SOS2: variants seen among roughly 807,000 people sequenced by gnomAD.
The protein encoded by SOS2 is SOS Ras/Rho guanine nucleotide exchange factor 2, also known as son of sevenless homolog 2.
SOS2 carries 65 observed loss-of-function variants against 148.2 expected under a neutral mutation model. The observed-to-expected ratio is 0.44, with a 90% confidence interval of 0.36 to 0.54. SOS2 has a LOEUF of 0.54. Ranked by LOEUF, SOS2 falls within the 20% of genes least tolerant of loss-of-function variation. The pLI is 0.00. For synonymous variants in SOS2, 539 were observed against 537.1 expected (o/e 1.00, Z -0.05); for missense variants, 1,341 against 1,590.2 (o/e 0.84, Z 2.67).
At chr14:50,228,203 A>G (rs1462788989) in intron 1 of SOS2, among the ~76,000 whole-genome samples, 6 of 151,780 alleles carry the variant, frequency 4.0e-5, no homozygotes, top group Admixed American at 2.0e-4. Flanking sequence ...CACCACACCC[A>G]GCTAATTTTT....
intron 18 of SOS2, among the ~76,000 whole-genome samples, chr14:50,135,984 A>G (rs1884066049): frequency 6.6e-6 from 1 of 152,174 alleles, no homozygotes; most frequent in Admixed American, 6.6e-5. Flanking sequence ...TTAGAAGCAT[A>G]TATAAAAATG....
chr14:50,151,781 GT>G (rs1397587546), intron 13 of SOS2, among the ~76,000 whole-genome samples: 1 of 152,158 alleles, frequency 6.6e-6, no homozygotes, highest in Non-Finnish European at 1.5e-5. Context: ...TGTGTGCAGT[GT>G]TGCAATTTCG....
At chr14:50,181,244 C>T (rs1019940441) in intron 6 of SOS2, among the ~76,000 whole-genome samples, 5 of 152,034 alleles carry the variant, frequency 3.3e-5, no homozygotes, top group Admixed American at 6.6e-5. Flanking sequence ...GTCAGGAGTT[C>T]GAGGCCAGCC....
chr14:50,191,968 A>G (rs1886153275), intron 4 of SOS2, among the ~76,000 whole-genome samples: 1 of 150,820 alleles, frequency 6.6e-6, no homozygotes, highest in Non-Finnish European at 1.5e-5. Flanking sequence ...CTGGGCAACA[A>G]AGAGAGACCC....
intron 11 of SOS2, among the ~76,000 whole-genome samples, chr14:50,157,338 G>A (rs1015829580): frequency 6.6e-6 from 1 of 151,888 alleles, no homozygotes; most frequent in African/African-American, 2.4e-5. Context: ...TTGTCTTTTA[G>A]CACTGATAAT....
At chr14:50,210,512 ACTAG>A in intron 1 of SOS2, among the ~76,000 whole-genome samples, 1 of 152,300 alleles carries the variant, frequency 6.6e-6, no homozygotes, top group South Asian at 2.1e-4. Flanking sequence ...ACAAAAAATT[ACTAG>A]CTATGAAGGA....
At position 50,148,339 on chromosome 14, in the gene SOS2, G is replaced by A. The variant is rs1293119882; in HGVS notation, c.2384+1669C>T. On this transcript the variant is annotated intron_variant, in intron 14 of 22. Transcript: ENST00000216373. ...GCATGAGAATCACTTGAACTTGGGA[G>A]GCACAGGTTGCAGTGAGCCGAGATT... Among the ~76,000 whole-genome samples the A allele has an allele frequency of 2.0e-5, 3 of 151,624 alleles. No individual in the cohort carries two copies. The East Asian group carries it at 5.8e-4, about 29-fold the overall frequency.
chr14:50,219,851 G>T (rs893371866), intron 1 of SOS2, among the ~76,000 whole-genome samples: 3 of 151,828 alleles, frequency 2.0e-5, no homozygotes, highest in African/African-American at 4.8e-5. Flanking sequence ...TTGTTTTTTG[G>T]GGGGCAGGGG....
chr14:50,209,755 C>CAAA (rs34379246), intron 1 of SOS2, among the ~76,000 whole-genome samples: 2 of 146,662 alleles, frequency 1.4e-5, no homozygotes, highest in Admixed American at 6.8e-5. Flanking sequence ...GACCTTGTCT[C>CAAA]AAAAAAAAAA....
chr14:50,142,068 T>C (rs1302166863), intron 16 of SOS2, among the ~76,000 whole-genome samples: 1 of 151,526 alleles, frequency 6.6e-6, no homozygotes, highest in Non-Finnish European at 1.5e-5. Flanking sequence ...AGTGCAGTGG[T>C]GCGATCTCGG....
At chr14:50,216,395 C>T (rs1887041301) in intron 1 of SOS2, among the ~76,000 whole-genome samples, 1 of 151,808 alleles carries the variant, frequency 6.6e-6, no homozygotes, top group Non-Finnish European at 1.5e-5. Flanking sequence ...CGACACCCAG[C>T]CCATTATGAA....
chr14:50,215,925 T>C (rs1195925171), intron 1 of SOS2, among the ~76,000 whole-genome samples: 2 of 152,308 alleles, frequency 1.3e-5, no homozygotes, highest in East Asian at 3.9e-4. Context: ...GTAATTAACA[T>C]TTGAGTTTCA....
At chr14:50,231,125 G>A in intron 1 of SOS2, 72 bp downstream of exon 1, 1 of 951,422 alleles carries the variant, frequency 1.1e-6, no homozygotes, top group African/African-American at 1.7e-5. Flanking sequence ...CTGTGGGAGG[G>A]ACGACCTGCT....
At chr14:50,170,820 A>AAC (rs1555370816) in intron 8 of SOS2, among the ~76,000 whole-genome samples, 4 of 151,978 alleles carry the variant, frequency 2.6e-5, no homozygotes, top group African/African-American at 9.6e-5. Context: ...TTAAAAAAAA[A>AAC]AAAAAAAACA....
chr14:50,137,248 C>T (rs1031584610), intron 18 of SOS2, among the ~76,000 whole-genome samples: 11 of 152,114 alleles, frequency 7.2e-5, no homozygotes, highest in African/African-American at 2.2e-4. Context: ...CAAAATAGAA[C>T]ATCAATCGAC....
At position 50,121,714 on chromosome 14, in the gene SOS2, G is replaced by T. The variant is rs1042450591; in HGVS notation, c.3380-1330C>A. ...TTCTATGTCAAAAATTGCTATCTCAGTCATGTGGCTCTGCAGTTACTTCTG... is the reference window on the plus strand; with the variant it reads ...TTCTATGTCAAAAATTGCTATCTCATTCATGTGGCTCTGCAGTTACTTCTG... On this transcript the variant is annotated intron_variant, in intron 21 of 22. Coordinates refer to ENST00000216373, the MANE Select transcript of SOS2 (RefSeq NM_006939.4). Among the ~76,000 whole-genome samples, 4 of 150,572 alleles carry T rather than the reference G, an allele frequency of 2.7e-5. 1 individual carries two copies. Among genetic ancestry groups the T allele is most frequent in the African/African-American group, 9.8e-5 (4 of 40,836 alleles).
chr14:50,174,341 T>C, intron 8 of SOS2, 113 bp downstream of exon 8: 1 of 292,398 alleles, frequency 3.4e-6, no homozygotes, highest in South Asian at 1.1e-4. Context: ...AATTATTAAA[T>C]ACTTACATAA....
At chr14:50,134,941 C>T (rs1318674635) in intron 18 of SOS2, among the ~76,000 whole-genome samples, 1 of 151,252 alleles carries the variant, frequency 6.6e-6, no homozygotes, top group Non-Finnish European at 1.5e-5. Flanking sequence ...GGCGTGGTGG[C>T]GCATGCCTGT....
intron 1 of SOS2, among the ~76,000 whole-genome samples, chr14:50,226,996 G>A (rs575445531): frequency 1.3e-5 from 2 of 152,118 alleles, no homozygotes; most frequent in Non-Finnish European, 2.9e-5. Flanking sequence ...AGTGGTGAAG[G>A]CAATTATGTT....
Sources: allele counts gnomAD v4.1 joint callset (sites outside exome capture counted in the v4.1 genomes callset), GRCh38; gene constraint gnomAD v4.1.1; transcripts MANE v1.5; gene names NCBI Gene and HGNC (gene_info 2026-07-23, HGNC 2026-07-21).